The following EHHADH variants were observed in gnomAD, a reference collection of about 807,000 sequenced individuals.
EHHADH encodes the protein enoyl-CoA hydratase and 3-hydroxyacyl CoA dehydrogenase.
In EHHADH, 48 loss-of-function variants were observed where a neutral mutation model predicts 64.4. That is an observed-to-expected ratio of 0.75 (90% CI 0.59 to 0.95). EHHADH has a LOEUF of 0.95. Among genes scored for constraint, EHHADH ranks in the 40% least tolerant of loss-of-function variants. The pLI, the probability that EHHADH is intolerant of heterozygous loss-of-function variation, is 0.00. For missense variants in EHHADH, 854 were observed against 876.6 expected (o/e 0.97, Z 0.33); for synonymous variants, 308 against 326.7 (o/e 0.94, Z 0.62).
chr3:185,251,737 A>G (rs1421468505), intron 1 of EHHADH, among the ~76,000 whole-genome samples: 2 of 152,122 alleles, frequency 1.3e-5, no homozygotes, highest in Admixed American at 1.3e-4. Flanking sequence ...GGGAGGAAAG[A>G]AAAAGTGTAA....
At chr3:185,198,843 C>T (rs2108626282) in intron 6 of EHHADH, among the ~76,000 whole-genome samples, 1 of 148,692 alleles carries the variant, frequency 6.7e-6, no homozygotes, top group South Asian at 2.1e-4. Context: ...CAGCAAGACC[C>T]TGTCTTCAAA....
intron 4 of EHHADH, among the ~76,000 whole-genome samples, chr3:185,219,879 T>G (rs1718789867): frequency 6.6e-6 from 1 of 152,206 alleles, no homozygotes; most frequent in Non-Finnish European, 1.5e-5. Flanking sequence ...GTGATTTTTT[T>G]TTGGTAGGTC....
At chr3:185,197,014 A>C (rs1287818923) in intron 6 of EHHADH, among the ~76,000 whole-genome samples, 1 of 152,108 alleles carries the variant, frequency 6.6e-6, no homozygotes, top group Non-Finnish European at 1.5e-5. Context: ...AGAAAAAAAA[A>C]AAAAAGCCAG....
intron 4 of EHHADH, among the ~76,000 whole-genome samples, chr3:185,223,367 T>C (rs745583002): frequency 5.9e-5 from 9 of 152,180 alleles, no homozygotes; most frequent in Non-Finnish European, 1.0e-4. Context: ...TTTTCTTTTC[T>C]AGTTTAGAAT....
rs751382055 is a variant in EHHADH, at chr3:185,192,888, C to T, written c.1510G>A (p.Glu504Lys). 3.1e-6 allele frequency: 5 copies of T among 1,614,206 alleles called. No homozygotes were observed. Among genetic ancestry groups the T allele is most frequent in the Admixed American group, 1.7e-5 (1 of 60,014 alleles). The change falls in exon 7 of 7, where the codon GAG becomes AAG. Residue 504 changes from glutamate (E) to lysine (K), a missense_variant. Glu to Lys is a moderately conservative substitution (Grantham distance 56). Transcript: ENST00000231887. ...FLLEEGSKPEEVDQVLEEFGF... is the reference protein window; with the variant it reads ...FLLEEGSKPEKVDQVLEEFGF... ...AACTCTTCCAGCACCTGATCTACCT[C>T]CTCTGGTTTGCTGCCTTCTTCTAAC...
chr3:185,212,979 G>C (rs922414049), intron 5 of EHHADH, among the ~76,000 whole-genome samples: 1 of 151,780 alleles, frequency 6.6e-6, no homozygotes, highest in Non-Finnish European at 1.5e-5. Flanking sequence ...AATTAGCCGG[G>C]TGTGCTGCCT....
chr3:185,231,850 T>C (rs1273428689), intron 3 of EHHADH, among the ~76,000 whole-genome samples: 1 of 152,212 alleles, frequency 6.6e-6, no homozygotes, highest in Admixed American at 6.5e-5. Flanking sequence ...GGTGATAAAA[T>C]GTTCTAAAAT....
chr3:185,234,826 T>A (rs1437139440), intron 3 of EHHADH, among the ~76,000 whole-genome samples: 1 of 152,218 alleles, frequency 6.6e-6, no homozygotes, highest in Non-Finnish European at 1.5e-5. Context: ...ATTTTAACAA[T>A]TAGTACCACT....
intron 4 of EHHADH, among the ~76,000 whole-genome samples, chr3:185,227,548 A>C (rs188791318): frequency 7.1e-6 from 1 of 140,050 alleles, no homozygotes; most frequent in East Asian, 2.2e-4. Context: ...AAAATAGGTC[A>C]GGCCCAGTGG....
At chr3:185,211,113 A>G (rs1236278916) in intron 5 of EHHADH, among the ~76,000 whole-genome samples, 1 of 152,210 alleles carries the variant, frequency 6.6e-6, no homozygotes, top group Non-Finnish European at 1.5e-5. Flanking sequence ...GGATGCTGTT[A>G]TCTTACAACT....
chr3:185,214,961 A>C (rs1241409167), intron 5 of EHHADH, among the ~76,000 whole-genome samples: 1 of 152,176 alleles, frequency 6.6e-6, no homozygotes, highest in Non-Finnish European at 1.5e-5. Flanking sequence ...GGTATGAGTA[A>C]TTTTAAGCCT....
Position 185,192,200 on chromosome 3 carries a change from T to G in EHHADH, c.*26A>C. 2 of 1,593,058 alleles carry G rather than the reference T, an allele frequency of 1.3e-6. No individual in the cohort carries two copies. Among genetic ancestry groups the G allele is most frequent in the Non-Finnish European group, 1.7e-6 (2 of 1,169,724 alleles). On this transcript the variant is annotated 3_prime_UTR_variant, in exon 7 of 7. Coordinates refer to ENST00000231887, the MANE Select transcript of EHHADH (RefSeq NM_001966.4). ...CAGTCAGCATTACCTGATGCTAGCA[T>G]GTGAGGCATAATCTGGAAGACTGAA... is the stretch of plus-strand genomic sequence containing the variant.
chr3:185,192,826 A>C lies in EHHADH; in HGVS notation c.1572T>G (p.Leu524=), dbSNP rs1445594585. Residue 524 remains leucine (L), a synonymous_variant, in exon 7 of 7, where the codon CTT becomes CTG. Coordinates refer to ENST00000231887, the MANE Select transcript of EHHADH (RefSeq NM_001966.4). ...ATTTCCAGCCCACATCCAACCCAGC[A>C]AGATCAGACACTCTAAAAGGTCCCA... ...FKMGPFRVSD[L]AGLDVGWKSR... 1.4e-5 allele frequency: 23 copies of C among 1,614,022 alleles called. No individual in the cohort carries two copies. Among genetic ancestry groups the C allele is most frequent in the Non-Finnish European group, 1.7e-5 (20 of 1,180,034 alleles).
At chr3:185,193,737 G>A (rs1330505693) in intron 6 of EHHADH, among the ~76,000 whole-genome samples, 1 of 151,914 alleles carries the variant, frequency 6.6e-6, no homozygotes, top group Non-Finnish European at 1.5e-5. Context: ...GAGATTGTAG[G>A]TACACAATTG....
chr3:185,231,639 T>A (rs1320895339), intron 3 of EHHADH, among the ~76,000 whole-genome samples: 1 of 130,702 alleles, frequency 7.7e-6, no homozygotes, highest in Non-Finnish European at 1.7e-5. Flanking sequence ...CGTATGATTC[T>A]GTTTATATGA....
At chr3:185,212,649 A>G (rs536986588) in intron 5 of EHHADH, among the ~76,000 whole-genome samples, 104 of 143,234 alleles carry the variant, frequency 7.3e-4, no homozygotes, top group Middle Eastern at 3.6e-3. Flanking sequence ...AAATGGGAAA[A>G]GGGAATACAA....
chr3:185,200,916 A>G (rs757803780), intron 6 of EHHADH, among the ~76,000 whole-genome samples: 3 of 152,166 alleles, frequency 2.0e-5, no homozygotes, highest in Non-Finnish European at 2.9e-5. Context: ...GGGGAGCACA[A>G]TGGAAGGGCA....
intron 5 of EHHADH, among the ~76,000 whole-genome samples, chr3:185,206,059 C>T (rs1027843816): frequency 4.6e-5 from 7 of 152,032 alleles, no homozygotes; most frequent in African/African-American, 1.4e-4. Context: ...CTACACTGCA[C>T]GCTGACTCAT....
intron 4 of EHHADH, among the ~76,000 whole-genome samples, chr3:185,227,916 C>G (rs572825752): frequency 6.6e-6 from 1 of 151,794 alleles, no homozygotes; most frequent in African/African-American, 2.4e-5. Flanking sequence ...GGACATTGTA[C>G]GCAGTAACTT....
Sources: gnomAD v4.1 joint callset for allele counts (sites outside exome capture counted in the v4.1 genomes callset) on GRCh38, gnomAD v4.1.1 for gene constraint, MANE v1.5 for transcripts, NCBI Gene and HGNC (gene_info 2026-07-23, HGNC 2026-07-21) for gene names.